DLG5: variants seen among roughly 807,000 people sequenced by gnomAD.
DLG5 encodes discs large MAGUK scaffold protein 5.
Under a neutral mutation model 189.8 loss-of-function variants are expected in DLG5, and 48 were observed. That is an observed-to-expected ratio of 0.25 (90% CI 0.20 to 0.32). The LOEUF is 0.32. Among genes scored for constraint, DLG5 ranks in the 10% least tolerant of loss-of-function variants. The probability of loss-of-function intolerance (pLI) is 1.00; values close to 1 mark genes in which losing one functional copy is unlikely to be tolerated. For missense variants in DLG5, 2,160 were observed against 2,544.7 expected, an observed-to-expected ratio of 0.85 and a Z score of 3.25; for synonymous variants, 1,016 against 1,054.1, an observed-to-expected ratio of 0.96 and a Z score of 0.70.
intron 2 of DLG5, among the ~76,000 whole-genome samples, chr10:77,861,579 G>C (rs556859532): frequency 6.6e-6 from 1 of 152,310 alleles, no homozygotes; most frequent in South Asian, 2.1e-4. Context: ...TGGCCACACA[G>C]ATAAAGTAGC....
At position 77,906,592 on chromosome 10, in the gene DLG5, T is replaced by G. The variant is rs558017194; in HGVS notation, c.304+19625A>C. Among the ~76,000 whole-genome samples the G allele has an allele frequency of 2.7e-5, 4 of 149,480 alleles. No individual in the cohort carries two copies. The South Asian group carries it at 8.5e-4, about 32-fold the overall frequency. Reference sequence around the variant, plus strand: ...TCCCAAGGAGGTCGACTGTTCAGGATGGGCAGCAACAGTGCTGCGCTCCAC... The same window carrying G: ...TCCCAAGGAGGTCGACTGTTCAGGAGGGGCAGCAACAGTGCTGCGCTCCAC... On this transcript the variant is annotated intron_variant, in intron 1 of 31. Transcript: ENST00000372391.
Position 77,841,171 on chromosome 10 carries a change from A to G in DLG5, c.1437+710T>C, listed in dbSNP as rs535552748. Among the ~76,000 whole-genome samples the G allele has an allele frequency of 5.3e-5, 8 of 152,310 alleles. No individual in the cohort carries two copies. In the South Asian group the frequency reaches 1.7e-3, roughly 32 times the overall value. On this transcript the variant is annotated intron_variant, in intron 7 of 31. Coordinates refer to ENST00000372391, the MANE Select transcript of DLG5 (RefSeq NM_004747.4). ...GAAGGGAATCTCCATGGGCCCATCC[A>G]AGCCCCCGCAGGGCTCAGCTAGACC...
intron 24 of DLG5, 163 bp from the exon 25 acceptor site, chr10:77,808,107 C>T: frequency 1.2e-6 from 1 of 864,962 alleles, no homozygotes; most frequent in Non-Finnish European, 1.7e-6. Flanking sequence ...TTCATGGTCT[C>T]CCCAGTCTCC....
chr10:77,891,573 G>GACACACACACACACACACACAC (rs55688664), intron 1 of DLG5, among the ~76,000 whole-genome samples: 14 of 140,580 alleles, frequency 1.0e-4, no homozygotes, highest in South Asian at 4.8e-4. Flanking sequence ...TCCCCCAACA[G>GACACACACACACACACACACAC]ACACACACAC....
At chr10:77,939,178 C>T in the DLG5 span, among the ~76,000 whole-genome samples, 5 of 152,168 alleles carry the variant, frequency 3.3e-5, no homozygotes, top group Non-Finnish European at 7.3e-5. Flanking sequence ...GAAACTCCGT[C>T]TCAAAACAAA....
At position 77,895,705 on chromosome 10, in the gene DLG5, T is replaced by C. The variant is rs1845737422; in HGVS notation, c.305-26508A>G. On this transcript the variant is annotated intron_variant, in intron 1 of 31. Transcript: ENST00000372391. Reference sequence around the variant, plus strand: ...AGTTTCAAGAATTCTAAGGCTATCCTGGGGATATCAGTAGTCAGCGTAGGC... The same window carrying C: ...AGTTTCAAGAATTCTAAGGCTATCCCGGGGATATCAGTAGTCAGCGTAGGC... Among the ~76,000 whole-genome samples the C allele has an allele frequency of 2.6e-5, 4 of 152,192 alleles. No individual in the cohort carries two copies. In the South Asian group the frequency reaches 8.3e-4, roughly 32 times the overall value.
chr10:77,930,814 AT>A (rs35563477), upstream of DLG5, among the ~76,000 whole-genome samples: 22,568 of 91,426 alleles, frequency 0.25, 2,175 homozygotes, highest in East Asian at 0.38. Context: ...CACCTGGCTA[AT>A]TTTTTTTTTT....
rs780999163 is a variant in DLG5, at chr10:77,853,451, C to T, written c.767G>A (p.Arg256Gln). 26 of 1,611,332 alleles carry T rather than the reference C, an allele frequency of 1.6e-5. 1 individual carries two copies. The South Asian group carries it at 2.4e-4, about 15-fold the overall frequency. ...MLRRENGQLL[R>Q]ERNLLQQSWE... ...TGACTGCTGCAGCAGGTTTCGCTCC[C>T]GCAGCAGCTGCCCATTCTCCCGCCT... is the stretch of plus-strand genomic sequence containing the variant. Residue 256 changes from arginine to glutamine, a missense_variant, in exon 5 of 32, where the codon CGG becomes CAG. Arg to Gln is a conservative substitution (Grantham distance 43). Around this residue, in one of 5 missense-constraint regions of DLG5, gnomAD observed 664 missense variants for 838.5 expected, o/e 0.79. Transcript: ENST00000372391.
the DLG5 span, among the ~76,000 whole-genome samples, chr10:77,934,099 G>A: frequency 9.2e-5 from 14 of 151,864 alleles, no homozygotes; most frequent in East Asian, 1.9e-4. Context: ...GGCTGGGCAC[G>A]GTGGCTCACA....
At chr10:77,909,643 A>G (rs1276289004) in intron 1 of DLG5, among the ~76,000 whole-genome samples, 2 of 152,150 alleles carry the variant, frequency 1.3e-5, no homozygotes, top group African/African-American at 2.4e-5. Context: ...GCAACAAGAT[A>G]CAGAAAGGTG....
intron 1 of DLG5, among the ~76,000 whole-genome samples, chr10:77,893,092 C>T (rs1183330006): frequency 2.0e-5 from 3 of 152,242 alleles, no homozygotes; most frequent in Non-Finnish European, 2.9e-5. Flanking sequence ...ACCAGAGCAG[C>T]CCCTCTCTGA....
intron 1 of DLG5, among the ~76,000 whole-genome samples, chr10:77,873,031 G>GTGCGCACACA (rs201196944): frequency 2.2e-5 from 1 of 45,488 alleles, no homozygotes; most frequent in African/African-American, 5.2e-5. Flanking sequence ...GTGTGTGTGT[G>GTGCGCACACA]CACACACACA....
At chr10:77,847,682 A>C (rs890992485) in intron 5 of DLG5, among the ~76,000 whole-genome samples, 3 of 152,058 alleles carry the variant, frequency 2.0e-5, no homozygotes, top group African/African-American at 7.2e-5. Context: ...ACACACACAC[A>C]CCTAACTACA....
chr10:77,919,922 A>G (rs1341398649), intron 1 of DLG5, among the ~76,000 whole-genome samples: 3 of 152,182 alleles, frequency 2.0e-5, no homozygotes, highest in Non-Finnish European at 4.4e-5. Flanking sequence ...CTGCATGTAT[A>G]TTTGAAGATG....
chr10:77,820,260 C>G, intron 15 of DLG5: 2 of 435,376 alleles, frequency 4.6e-6, no homozygotes, highest in Non-Finnish European at 8.2e-6. Flanking sequence ...GCAGGAGAAT[C>G]GCTTGAACTC....
At chr10:77,865,126 T>C (rs1211867755) in intron 2 of DLG5, among the ~76,000 whole-genome samples, 1 of 152,202 alleles carries the variant, frequency 6.6e-6, no homozygotes, top group African/African-American at 2.4e-5. Flanking sequence ...CTTTCTGCTC[T>C]ACACAGAACA....
intron 1 of DLG5, among the ~76,000 whole-genome samples, chr10:77,925,858 C>T (rs1225971500): frequency 6.6e-6 from 1 of 152,186 alleles, no homozygotes; most frequent in Non-Finnish European, 1.5e-5. Flanking sequence ...TGGTTAAAGG[C>T]TAGCACAGGG....
chr10:77,885,597 T>C (rs923275060), intron 1 of DLG5, among the ~76,000 whole-genome samples: 1 of 152,186 alleles, frequency 6.6e-6, no homozygotes, highest in Non-Finnish European at 1.5e-5. Context: ...CCTCTGGCCA[T>C]TTGCAGGGAG....
chr10:77,802,529 G>A (rs919528355), intron 27 of DLG5, among the ~76,000 whole-genome samples: 1 of 152,206 alleles, frequency 6.6e-6, no homozygotes, highest in Non-Finnish European at 1.5e-5. Flanking sequence ...GGCAAAAACC[G>A]ATGAATAATT....
Sources: allele counts gnomAD v4.1 joint callset (sites outside exome capture counted in the v4.1 genomes callset), GRCh38; gene constraint gnomAD v4.1.1; regional missense constraint gnomAD v4.1.1; transcripts MANE v1.5; gene names NCBI Gene and HGNC (gene_info 2026-07-23, HGNC 2026-07-21).